AIMP1: variants seen among roughly 807,000 people sequenced by gnomAD.
AIMP1 encodes the protein aminoacyl tRNA synthetase complex interacting multifunctional protein 1, also known as aminoacyl tRNA synthase complex-interacting multifunctional protein 1.
In AIMP1, 24 loss-of-function variants were observed where a neutral mutation model predicts 33.1. That is an observed-to-expected ratio of 0.73 (90% CI 0.53 to 1.02). The LOEUF (loss-of-function observed/expected upper bound fraction) is 1.02. Among genes scored for constraint, AIMP1 ranks in the 50% least tolerant of loss-of-function variants. The pLI is 0.00. For synonymous variants in AIMP1, 120 were observed against 121.5 expected, an observed-to-expected ratio of 0.99 and a Z score of 0.08; for missense variants, 367 against 364.8, an observed-to-expected ratio of 1.01 and a Z score of -0.05.
At chr4:106,316,410 TATG>T, upstream of AIMP1, 1 of 783,652 alleles carries the variant, frequency 1.3e-6, no homozygotes, top group Non-Finnish European at 2.1e-6. Context: ...AGGAGCGTGG[TATG>T]GCAGGTTAAT....
At position 106,321,461 on chromosome 4, in the gene AIMP1, G is replaced by A. The variant is rs9995312; in HGVS notation, c.-25-3524G>A. ...CCACCCCGTCTGGGAGGTGAGGAGC[G>A]TCTCTGACCGGCTGCCCGGTCTGAG... On this transcript the variant is annotated intron_variant, in intron 1 of 6. Transcript: ENST00000672341. 341 of 151,898 alleles carry A rather than the reference G, an allele frequency of 2.2e-3. 1 individual carries two copies. The highest frequency in any genetic ancestry group is 8.2e-3 in the African/African-American group (318 of 38,716). The allele number at this position is 151,898 out of a possible 1,614,324, so 9.4% of individuals were successfully genotyped here.
intron 5 of AIMP1, 96 bp downstream of exon 5, chr4:106,331,979 C>A: frequency 1.7e-6 from 2 of 1,170,138 alleles, no homozygotes; most frequent in Non-Finnish European, 2.6e-6. Flanking sequence ...TACCATACAA[C>A]ATGTGCCCTT....
chr4:106,327,300 T>C (rs1769489306), intron 2 of AIMP1, 151 bp from the exon 3 acceptor site: 5 of 575,874 alleles, frequency 8.7e-6, no homozygotes, highest in South Asian at 5.6e-5. Context: ...TTAATAAATA[T>C]TAAACTGGCA....
In AIMP1 at chr4:106,336,855, T is replaced by C; in HGVS notation, c.604-14T>C. The C allele has an allele frequency of 1.2e-5, 20 of 1,612,760 alleles. No individual in the cohort carries two copies. Among genetic ancestry groups the C allele is most frequent in the Non-Finnish European group, 1.7e-5 (20 of 1,178,830 alleles). On this transcript the variant is annotated splice_polypyrimidine_tract_variant and intron_variant, in intron 5 of 6. Coordinates refer to ENST00000672341, the MANE Select transcript of AIMP1 (RefSeq NM_001142416.2). ...CTGTGTACATCTTTACTTACCAGTTTATATTTCACACAGATGCAAAATCGG... is the reference window on the plus strand; with the variant it reads ...CTGTGTACATCTTTACTTACCAGTTCATATTTCACACAGATGCAAAATCGG...
chr4:106,323,983 C>G (rs1359352689), intron 1 of AIMP1, among the ~76,000 whole-genome samples: 3 of 152,024 alleles, frequency 2.0e-5, no homozygotes, highest in Non-Finnish European at 2.9e-5. Flanking sequence ...AATGAGCCAA[C>G]AGATCTAGAC....
chr4:106,332,945 T>C (rs1156734991), intron 5 of AIMP1, among the ~76,000 whole-genome samples: 2 of 152,134 alleles, frequency 1.3e-5, no homozygotes, highest in African/African-American at 4.8e-5. Context: ...ATAAAATACT[T>C]ACACATGGAA....
At chr4:106,346,315 G>A (rs1770295388) in intron 6 of AIMP1, among the ~76,000 whole-genome samples, 1 of 152,046 alleles carries the variant, frequency 6.6e-6, no homozygotes, top group African/African-American at 2.4e-5. Context: ...TATAAATAGA[G>A]GGGTTGTGGG....
intron 1 of AIMP1, among the ~76,000 whole-genome samples, chr4:106,320,795 G>C (rs548739458): frequency 1.4e-4 from 22 of 152,168 alleles, no homozygotes; most frequent in African/African-American, 4.1e-4. Flanking sequence ...CTCTGATGCC[G>C]AGCCGAGGCT....
chr4:106,334,074 T>C (rs1013614261), intron 5 of AIMP1, among the ~76,000 whole-genome samples: 2 of 152,138 alleles, frequency 1.3e-5, no homozygotes, highest in African/African-American at 4.8e-5. Flanking sequence ...TTCAGAGATA[T>C]TGCAAAGAAT....
chr4:106,338,006 C>A (rs571108702), intron 6 of AIMP1, among the ~76,000 whole-genome samples: 2 of 152,220 alleles, frequency 1.3e-5, no homozygotes, highest in African/African-American at 4.8e-5. Context: ...ATCTATGGAA[C>A]TTTGAACTTG....
At chr4:106,322,841 T>C (rs1028178322) in intron 1 of AIMP1, among the ~76,000 whole-genome samples, 1 of 151,836 alleles carries the variant, frequency 6.6e-6, no homozygotes, top group African/African-American at 2.4e-5. Context: ...ATTCAAAAAT[T>C]AGTCAGGTGG....
At chr4:106,315,779 A>T (rs1262782930), upstream of AIMP1, 1 of 152,356 alleles carries the variant, frequency 6.6e-6, no homozygotes, top group Admixed American at 6.5e-5. Context: ...GTAGCTAGGG[A>T]TGGAGACAGT....
intron 5 of AIMP1, among the ~76,000 whole-genome samples, chr4:106,333,646 G>A (rs1402433894): frequency 5.3e-5 from 8 of 152,006 alleles, no homozygotes; most frequent in Admixed American, 1.3e-4. Flanking sequence ...AACAAACCAT[G>A]GTTACAGTTT....
Position 106,327,521 on chromosome 4 carries a change from A to G in AIMP1, c.180A>G (p.Glu60=). Residue 60 remains glutamate (E), a synonymous_variant, in exon 3 of 7, where the codon GAA becomes GAG. Coordinates refer to ENST00000672341, the MANE Select transcript of AIMP1 (RefSeq NM_001142416.2). ...ATGCTAAACTGAAGAAAGAAATTGAAGAACTGAAACAAGAGCTAATTCAGG... is the reference window on the plus strand; with the variant it reads ...ATGCTAAACTGAAGAAAGAAATTGAGGAACTGAAACAAGAGCTAATTCAGG... The part of the protein sequence containing the change: ...VENAKLKKEI[E]ELKQELIQAE... The G allele has an allele frequency of 6.2e-7, 1 of 1,612,966 alleles. No individual in the cohort carries two copies. Among genetic ancestry groups the G allele is most frequent in the South Asian group, 1.1e-5 (1 of 90,994 alleles).
chr4:106,337,274 C>T (rs1769921410), intron 6 of AIMP1, among the ~76,000 whole-genome samples: 1 of 152,174 alleles, frequency 6.6e-6, no homozygotes, highest in South Asian at 2.1e-4. Flanking sequence ...TATGGTTTGA[C>T]TATGTCCCCA....
Position 106,337,037 on chromosome 4 carries a change from G to A in AIMP1, c.772G>A (p.Gly258Arg), listed in dbSNP as rs778273673. 6.2e-7 allele frequency: 1 copy of A among 1,613,420 alleles called. No individual in the cohort carries two copies. The highest frequency in any genetic ancestry group is 8.5e-7 in the Non-Finnish European group (1 of 1,179,510). Residue 258 changes from glycine (G) to arginine (R), a missense_variant and splice_region_variant, in exon 6 of 7, where the codon GGA becomes AGA. Physicochemically the swap from Gly to Arg is moderately radical, Grantham distance 125 (BLOSUM62 -2). Transcript: ENST00000672341. ...GDRITFDAFP[G>R]EPDKELNPKK... Reference sequence around the variant, plus strand: ...CAGAATTACTTTTGATGCTTTCCCAGGTAGGTATTTATTAGTAATTACTTA... The same window carrying A: ...CAGAATTACTTTTGATGCTTTCCCAAGTAGGTATTTATTAGTAATTACTTA...
intron 6 of AIMP1, among the ~76,000 whole-genome samples, chr4:106,342,474 A>G (rs1181750116): frequency 6.6e-6 from 1 of 152,112 alleles, no homozygotes; most frequent in Non-Finnish European, 1.5e-5. Flanking sequence ...TGCCTAGTCT[A>G]TTGAGGGTTT....
intron 5 of AIMP1, among the ~76,000 whole-genome samples, chr4:106,332,457 A>T (rs1377418627): frequency 6.6e-6 from 1 of 151,808 alleles, no homozygotes; most frequent in Non-Finnish European, 1.5e-5. Flanking sequence ...AATAATGATT[A>T]TGATGACTAT....
chr4:106,337,134 C>G, intron 6 of AIMP1, 97 bp downstream of exon 6: 1 of 1,146,428 alleles, frequency 8.7e-7, no homozygotes, highest in Non-Finnish European at 1.3e-6. Context: ...GTGTAAGAAT[C>G]ATGAGTCTTA....
Sources: gnomAD v4.1 joint callset for allele counts (sites outside exome capture counted in the v4.1 genomes callset) on GRCh38, gnomAD v4.1.1 for gene constraint, MANE v1.5 for transcripts, NCBI Gene and HGNC (gene_info 2026-07-23, HGNC 2026-07-21) for gene names.